The following SS18L1 variants were observed in gnomAD, a reference collection of about 807,000 sequenced individuals.
SS18L1 encodes SS18L1 subunit of BAF chromatin remodeling complex.
A neutral mutation model predicts 70.3 loss-of-function variants in SS18L1; 32 were observed. The observed-to-expected ratio is 0.46, with a 90% confidence interval of 0.34 to 0.61. SS18L1 has a LOEUF of 0.61. Among genes scored for constraint, SS18L1 ranks in the 20% least tolerant of loss-of-function variants. The probability of loss-of-function intolerance (pLI) is 0.01; values close to 1 mark genes in which losing one functional copy is unlikely to be tolerated. For missense variants in SS18L1, 430 were observed against 542.1 expected (o/e 0.79, Z 2.05); for synonymous variants, 237 against 229.7 (o/e 1.03, Z -0.29).
chr20:62,151,419 C>G (rs1175362764), intron 1 of SS18L1, among the ~76,000 whole-genome samples: 2 of 152,230 alleles, frequency 1.3e-5, no homozygotes, highest in African/African-American at 2.4e-5. Flanking sequence ...TTCCGTGCCC[C>G]TTGGGTTTGT....
At chr20:62,148,428 G>C (rs1482947448) in intron 1 of SS18L1, among the ~76,000 whole-genome samples, 1 of 149,456 alleles carries the variant, frequency 6.7e-6, no homozygotes, top group Non-Finnish European at 1.5e-5. Context: ...TCTTAGGTCA[G>C]GTGAGGGAGG....
At chr20:62,172,631 C>T (rs751176836) in intron 8 of SS18L1, 51 bp from the exon 9 acceptor site, 2 of 1,609,398 alleles carry the variant, frequency 1.2e-6, no homozygotes, top group Middle Eastern at 1.6e-4. Flanking sequence ...CAGAATGAGC[C>T]CCCTTAGCCC....
At chr20:62,171,318 G>A (rs183461980) in intron 8 of SS18L1, among the ~76,000 whole-genome samples, 111 of 152,288 alleles carry the variant, frequency 7.3e-4, no homozygotes, top group Non-Finnish European at 1.4e-3. Context: ...GTCTCAGATG[G>A]CTTTCATGGG....
intron 1 of SS18L1, among the ~76,000 whole-genome samples, chr20:62,146,110 G>A (rs1236710739): frequency 6.6e-6 from 1 of 152,130 alleles, no homozygotes; most frequent in African/African-American, 2.4e-5. Context: ...GGTAGTGAAG[G>A]AGAAAGAGGT....
chr20:62,165,829 G>C (rs2057419172), intron 8 of SS18L1, among the ~76,000 whole-genome samples: 1 of 152,168 alleles, frequency 6.6e-6, no homozygotes, highest in African/African-American at 2.4e-5. Context: ...AGCCGGCCAT[G>C]CTGGGGTTGG....
At chr20:62,164,297 GGGGCAAGGAGGGCAAGGA>G (rs146750123) in intron 7 of SS18L1, 51 bp downstream of exon 7, 2 of 1,449,262 alleles carry the variant, frequency 1.4e-6, no homozygotes, top group Admixed American at 4.1e-5. Flanking sequence ...AGCAGCTGCA[GGGGCAAGGAGGGCAAGGA>G]GGGCAAGGAG....
At chr20:62,170,020 G>T (rs986940118) in intron 8 of SS18L1, among the ~76,000 whole-genome samples, 3 of 152,226 alleles carry the variant, frequency 2.0e-5, no homozygotes, top group African/African-American at 7.2e-5. Flanking sequence ...CTGCGTCCTC[G>T]TGTGGATCAC....
intron 7 of SS18L1, 23 bp downstream of exon 7, chr20:62,164,269 C>T: frequency 6.5e-7 from 1 of 1,540,116 alleles, no homozygotes; most frequent in Non-Finnish European, 8.8e-7. Flanking sequence ...GGCGGCCTGA[C>T]CCCGCCCAGG....
intron 10 of SS18L1, among the ~76,000 whole-genome samples, chr20:62,176,178 T>G (rs193180185): frequency 6.6e-6 from 1 of 152,364 alleles, no homozygotes; most frequent in East Asian, 1.9e-4. Context: ...TGTCCTAACT[T>G]AATTATAAGA....
intron 8 of SS18L1, among the ~76,000 whole-genome samples, chr20:62,165,974 G>A (rs564830183): frequency 1.2e-4 from 18 of 152,346 alleles, no homozygotes; most frequent in Middle Eastern, 3.4e-3. Context: ...TGCAGGCCAG[G>A]AAACGCACAT....
rs768580683 is a variant in SS18L1, at chr20:62,158,895, T to TC, written c.146+151dup. The TC allele has an allele frequency of 1.2e-5, 19 of 1,585,106 alleles. No homozygotes were observed. Among genetic ancestry groups the TC allele is most frequent in the Middle Eastern group, 1.7e-4 (1 of 5,958 alleles). ...ACGGAGGCCAGATATGTCCCAGGAGTCCCCTGCACAGAGGCCAGATATGTC... is the reference window on the plus strand; with the variant it reads ...ACGGAGGCCAGATATGTCCCAGGAGTCCCCCTGCACAGAGGCCAGATATGTC... On this transcript the variant is annotated intron_variant, in intron 2 of 10. Transcript: ENST00000331758. The surrounding 1 kb of genome is among the most constrained non-coding windows in gnomAD (Gnocchi z 4.5).
intron 6 of SS18L1, among the ~76,000 whole-genome samples, chr20:62,163,826 C>G (rs1187744821): frequency 6.6e-6 from 1 of 151,810 alleles, no homozygotes. Flanking sequence ...CTGCTGTCCC[C>G]GAGGAGTCAG....
chr20:62,174,910 T>C lies in SS18L1; in HGVS notation c.1164+266T>C. On this transcript the variant is annotated intron_variant, in intron 10 of 10. Coordinates refer to ENST00000331758, the MANE Select transcript of SS18L1 (RefSeq NM_198935.3). This position sits in a 1 kb window ranked among gnomAD's most constrained non-coding sequence, Gnocchi z 4.1. ...TTCTCACATTCATTCACTCTGCCAG[T>C]GTTTGTCACGTACTGGGTACGCGTC... 1.0e-6 allele frequency: 1 copy of C among 985,422 alleles called. No individual in the cohort carries two copies. The highest frequency in any genetic ancestry group is 1.2e-6 in the Non-Finnish European group (1 of 829,904). The allele number at this position is 985,422 out of a possible 1,614,324, so 61.0% of individuals were successfully genotyped here.
chr20:62,167,163 A>C (rs981810129), intron 8 of SS18L1, among the ~76,000 whole-genome samples: 1 of 144,738 alleles, frequency 6.9e-6, no homozygotes, highest in African/African-American at 2.6e-5. Flanking sequence ...CTCCTGCCTC[A>C]GCCTCTTGAG....
chr20:62,146,604 C>CTTTTTTTTTTTTTTTTTTTTTTTTT (rs1339898731), intron 1 of SS18L1, among the ~76,000 whole-genome samples: 2 of 34,156 alleles, frequency 5.9e-5, no homozygotes, highest in African/African-American at 1.2e-4. Flanking sequence ...CTGCTTTGAT[C>CTTTTTTTTTTTTTTTTTTTTTTTTT]ATTTTTTTTT....
At chr20:62,153,352 C>G (rs926655648) in intron 1 of SS18L1, among the ~76,000 whole-genome samples, 13 of 152,320 alleles carry the variant, frequency 8.5e-5, no homozygotes, top group Middle Eastern at 3.4e-3. Flanking sequence ...CATGAGTAAC[C>G]TCAGGAGTAA....
rs541501716 is a variant in SS18L1, at chr20:62,166,785, C to T, written c.916+1271C>T. Among the ~76,000 whole-genome samples, 5 of 151,264 alleles carry T rather than the reference C, an allele frequency of 3.3e-5. No individual in the cohort carries two copies. In the South Asian group the frequency reaches 8.4e-4, roughly 25 times the overall value. ...ACTAAAAATACAAAAATTAGTTGGA[C>T]GTGGTGGCATGTGCCTGTAATCTGA... is the stretch of plus-strand genomic sequence containing the variant. On this transcript the variant is annotated intron_variant, in intron 8 of 10. Coordinates refer to ENST00000331758, the MANE Select transcript of SS18L1 (RefSeq NM_198935.3).
intron 1 of SS18L1, among the ~76,000 whole-genome samples, chr20:62,150,554 A>G (rs1157980912): frequency 6.7e-6 from 1 of 148,502 alleles, no homozygotes; most frequent in Non-Finnish European, 1.5e-5. Flanking sequence ...GAACAATTTC[A>G]ATGTCTGTCC....
intron 7 of SS18L1, 116 bp downstream of exon 7, chr20:62,164,362 C>T: frequency 1.8e-6 from 2 of 1,110,746 alleles, no homozygotes; most frequent in South Asian, 1.6e-5. Flanking sequence ...GTCATTCCAG[C>T]TCAGGCCTGG....
Sources: gnomAD v4.1 joint callset for allele counts (sites outside exome capture counted in the v4.1 genomes callset) on GRCh38, gnomAD v4.1.1 for gene constraint, Gnocchi (gnomAD v3.1) non-coding constraint, MANE v1.5 for transcripts, NCBI Gene and HGNC (gene_info 2026-07-23, HGNC 2026-07-21) for gene names.